Variants in TMEM132C observed in about 807,000 individuals in gnomAD.
The protein encoded by TMEM132C is transmembrane protein 132C, also known as protein phosphatase 1, regulatory subunit 152.
TMEM132C carries 29 observed loss-of-function variants against 61.4 expected under a neutral mutation model. That is an observed-to-expected ratio of 0.47 (90% CI 0.35 to 0.64). TMEM132C has a LOEUF of 0.64. TMEM132C is among the 30% of genes least tolerant of loss of function. The pLI, the probability that TMEM132C is intolerant of heterozygous loss-of-function variation, is 0.00. For missense variants in TMEM132C, 1,408 were observed against 1,476.9 expected (o/e 0.95, Z 0.76); for synonymous variants, 656 against 633.1 (o/e 1.04, Z -0.54).
chr12:128,346,026 C>T (rs1468293266), intron 1 of TMEM132C, among the ~76,000 whole-genome samples: 1 of 152,116 alleles, frequency 6.6e-6, no homozygotes, highest in South Asian at 2.1e-4. Context: ...TTGGGTTTTA[C>T]ATTTAAGTCT....
intron 1 of TMEM132C, among the ~76,000 whole-genome samples, chr12:128,281,061 A>C (rs1870876832): frequency 1.3e-5 from 2 of 152,212 alleles, no homozygotes; most frequent in African/African-American, 4.8e-5. Context: ...AGAGTCATGC[A>C]AGCAAGTAGT....
chr12:128,615,479 C>T (rs1876769218), intron 3 of TMEM132C, among the ~76,000 whole-genome samples: 1 of 152,054 alleles, frequency 6.6e-6, no homozygotes, highest in Non-Finnish European at 1.5e-5. Context: ...CTAGACTGTC[C>T]CTTCTGGGAG....
intron 4 of TMEM132C, among the ~76,000 whole-genome samples, chr12:128,639,460 G>A (rs1218921267): frequency 2.6e-5 from 4 of 152,104 alleles, no homozygotes; most frequent in Non-Finnish European, 4.4e-5. Context: ...CATGGTCATG[G>A]TCATGGTAAT....
At chr12:128,655,748 C>A (rs1231451926) in intron 4 of TMEM132C, among the ~76,000 whole-genome samples, 1 of 152,074 alleles carries the variant, frequency 6.6e-6, no homozygotes, top group Non-Finnish European at 1.5e-5. Flanking sequence ...TCCCAAACTG[C>A]AAGCCACCAT....
intron 3 of TMEM132C, among the ~76,000 whole-genome samples, chr12:128,588,767 C>T (rs762955150): frequency 7.2e-5 from 11 of 152,192 alleles, no homozygotes; most frequent in Admixed American, 2.0e-4. Flanking sequence ...AGGAGAAGGA[C>T]CCTCGTCAGA....
intron 3 of TMEM132C, among the ~76,000 whole-genome samples, chr12:128,605,154 C>CATGGATACATAG (rs1876378305): frequency 6.6e-6 from 1 of 151,328 alleles, no homozygotes; most frequent in African/African-American, 2.4e-5. Context: ...TACATAGATA[C>CATGGATACATAG]ATAGATAATG....
At position 128,326,801 on chromosome 12, in the gene TMEM132C, T is replaced by C. The variant is rs944237524; in HGVS notation, c.85+59314T>C. 7.9e-5 allele frequency among the ~76,000 whole-genome samples: 11 copies of C among 139,566 alleles called. 2 individuals are homozygous for C. Among genetic ancestry groups the C allele is most frequent in the African/African-American group, 3.0e-4 (9 of 29,546 alleles). The allele number at this position is 139,566 out of a possible 152,430, so 91.6% of individuals were successfully genotyped here. A position where few individuals can be genotyped will look rare whatever the true frequency, so the allele number is the denominator to read the frequency against. ...CTCGTTACCGACTTCACAATATTTT[T>C]TTTTTCTTTCTTAACAACGTAGTAA... On this transcript the variant is annotated intron_variant, in intron 1 of 8. Transcript: ENST00000435159. The surrounding 1 kb of genome is among the most constrained non-coding windows in gnomAD (Gnocchi z 5.6).
In TMEM132C at chr12:128,447,743, G is replaced by A. The variant is rs1263269015; in HGVS notation, c.974+32123G>A. On this transcript the variant is annotated intron_variant, in intron 2 of 8. Coordinates refer to ENST00000435159, the MANE Select transcript of TMEM132C (RefSeq NM_001136103.3). ...TTTTTTTTTTTTTTTTTTTTGAGACGGAGTCTCGCTCTGTCGCCCAGGCCG... is the reference window on the plus strand; with the variant it reads ...TTTTTTTTTTTTTTTTTTTTGAGACAGAGTCTCGCTCTGTCGCCCAGGCCG... Among the ~76,000 whole-genome samples the A allele has an allele frequency of 6.1e-5, 4 of 65,256 alleles. 1 individual carries two copies. The highest frequency in any genetic ancestry group is 2.5e-4 in the African/African-American group (2 of 7,876). The allele number at this position is 65,256 out of a possible 152,430, so 42.8% of individuals were successfully genotyped here. A position where few individuals can be genotyped will look rare whatever the true frequency, so the allele number is the denominator to read the frequency against.
At chr12:128,703,391 A>T (rs751028350) in intron 8 of TMEM132C, among the ~76,000 whole-genome samples, 2 of 152,182 alleles carry the variant, frequency 1.3e-5, no homozygotes, top group Non-Finnish European at 2.9e-5. Flanking sequence ...AAGTGAGAAC[A>T]TGTAGTGTTG....
intron 1 of TMEM132C, among the ~76,000 whole-genome samples, chr12:128,328,558 G>A (rs1872589167): frequency 6.6e-6 from 1 of 152,244 alleles, no homozygotes; most frequent in Non-Finnish European, 1.5e-5. Context: ...GGAGGCTGAG[G>A]TGGGTAGATC....
chr12:128,419,558 C>T (rs1050014496), intron 2 of TMEM132C, among the ~76,000 whole-genome samples: 3 of 146,216 alleles, frequency 2.1e-5, no homozygotes, highest in African/African-American at 4.9e-5. Flanking sequence ...AACATCCTGA[C>T]AGCACCTACT....
chr12:128,604,818 A>T (rs1876359150), intron 3 of TMEM132C, among the ~76,000 whole-genome samples: 1 of 148,230 alleles, frequency 6.7e-6, no homozygotes, highest in African/African-American at 2.4e-5. Flanking sequence ...GGATGGATGG[A>T]TGGATGGATA....
intron 1 of TMEM132C, among the ~76,000 whole-genome samples, chr12:128,276,907 C>CAT (rs970455273): frequency 1.3e-5 from 2 of 151,716 alleles, no homozygotes; most frequent in Admixed American, 1.3e-4. Flanking sequence ...CACACACACA[C>CAT]ACACACACAA....
At position 128,680,968 on chromosome 12, in the gene TMEM132C, G is replaced by A. The variant is rs1430258496; in HGVS notation, c.1449+11408G>A. Among the ~76,000 whole-genome samples the A allele has an allele frequency of 2.6e-5, 4 of 152,240 alleles. No homozygotes were observed. In the South Asian group the frequency reaches 6.2e-4, roughly 24 times the overall value. ...GTTTCTGGTCAGGTTCATGAAGCAC[G>A]GGATACAGTCCAGTTTGAGACCCAG... is the stretch of plus-strand genomic sequence containing the variant. On this transcript the variant is annotated intron_variant, in intron 5 of 8. Coordinates refer to ENST00000435159, the MANE Select transcript of TMEM132C (RefSeq NM_001136103.3).
At chr12:128,622,360 A>AT (rs1555237029) in intron 4 of TMEM132C, among the ~76,000 whole-genome samples, 67 of 29,936 alleles carry the variant, frequency 2.2e-3, no homozygotes, top group Non-Finnish European at 2.7e-3. Flanking sequence ...AAAAAAAAAA[A>AT]ATATATATAT....
At chr12:128,658,440 A>C (rs2135618343) in intron 4 of TMEM132C, among the ~76,000 whole-genome samples, 1 of 152,214 alleles carries the variant, frequency 6.6e-6, no homozygotes, top group African/African-American at 2.4e-5. Flanking sequence ...CACTGTCTCC[A>C]GCGTCCTCCT....
At chr12:128,305,410 A>G (rs375335615) in intron 1 of TMEM132C, among the ~76,000 whole-genome samples, 21 of 152,080 alleles carry the variant, frequency 1.4e-4, no homozygotes, top group East Asian at 9.7e-4. Flanking sequence ...GTTTCCCCCA[A>G]ATTGCTCAAG....
intron 2 of TMEM132C, among the ~76,000 whole-genome samples, chr12:128,428,341 G>A (rs144135704): frequency 9.0e-4 from 137 of 152,142 alleles, no homozygotes; most frequent in African/African-American, 2.9e-3. Flanking sequence ...AACTCCATTC[G>A]CCCACATTGT....
chr12:128,486,682 C>A (rs1052420153), intron 2 of TMEM132C, among the ~76,000 whole-genome samples: 2 of 152,090 alleles, frequency 1.3e-5, no homozygotes, highest in Non-Finnish European at 2.9e-5. Flanking sequence ...AAGCAAATTA[C>A]CCTGTGGGAG....
Sources: allele counts gnomAD v4.1 joint callset (sites outside exome capture counted in the v4.1 genomes callset), GRCh38; gene constraint gnomAD v4.1.1; non-coding constraint Gnocchi (gnomAD v3.1); transcripts MANE v1.5; gene names NCBI Gene and HGNC (gene_info 2026-07-23, HGNC 2026-07-21).